SLC35F3: variants seen among roughly 807,000 people sequenced by gnomAD.
SLC35F3 encodes putative thiamine transporter SLC35F3.
SLC35F3 carries 25 observed loss-of-function variants against 49.9 expected under a neutral mutation model. That is an observed-to-expected ratio of 0.50 (90% confidence interval 0.37 to 0.70). The LOEUF (loss-of-function observed/expected upper bound fraction) is 0.70. SLC35F3 is among the 30% of genes least tolerant of loss of function. SLC35F3 has a pLI of 0.00. For missense variants in SLC35F3, 525 were observed against 639.8 expected, an observed-to-expected ratio of 0.82 and a Z score of 1.94; for synonymous variants, 275 against 265.4, an observed-to-expected ratio of 1.04 and a Z score of -0.35.
intron 2 of SLC35F3, among the ~76,000 whole-genome samples, chr1:234,077,021 G>A (rs1290397790): frequency 2.8e-5 from 4 of 144,270 alleles, no homozygotes; most frequent in Non-Finnish European, 6.0e-5. Context: ...TTTTTGAGAC[G>A]GAGTCTCGCT....
intron 2 of SLC35F3, among the ~76,000 whole-genome samples, chr1:234,158,835 T>C (rs973215517): frequency 2.6e-5 from 4 of 152,216 alleles, no homozygotes; most frequent in African/African-American, 9.6e-5. Context: ...CTAAGAAATA[T>C]ATGTAATCAC....
chr1:234,176,343 C>T lies in SLC35F3; in HGVS notation c.284-55074C>T, dbSNP rs77231883. Among the ~76,000 whole-genome samples the T allele has an allele frequency of 8.4e-3, 1,272 of 152,324 alleles. 20 individuals carry two copies. Among genetic ancestry groups the T allele is most frequent in the African/African-American group, 0.029 (1,198 of 41,570 alleles). ...AGAAAGCTGCTCAAAGAGAAAGCTGCTCCATCTGTTCATAGAGTGGAAAAG... is the reference window on the plus strand; with the variant it reads ...AGAAAGCTGCTCAAAGAGAAAGCTGTTCCATCTGTTCATAGAGTGGAAAAG... On this transcript the variant is annotated intron_variant, in intron 2 of 7. Transcript: ENST00000366618.
chr1:234,080,201 A>G (rs1032159808), intron 2 of SLC35F3, among the ~76,000 whole-genome samples: 1 of 152,180 alleles, frequency 6.6e-6, no homozygotes, highest in African/African-American at 2.4e-5. Context: ...TTCAAACCCA[A>G]AAAGTTGGAG....
At chr1:233,930,751 AT>A (rs1214979863) in intron 2 of SLC35F3, among the ~76,000 whole-genome samples, 1 of 152,242 alleles carries the variant, frequency 6.6e-6, no homozygotes, top group African/African-American at 2.4e-5. Flanking sequence ...CTTACAATAA[AT>A]TAAGCTGTAG....
intron 2 of SLC35F3, among the ~76,000 whole-genome samples, chr1:234,122,660 C>T (rs993431305): frequency 1.3e-5 from 2 of 152,160 alleles, no homozygotes; most frequent in African/African-American, 4.8e-5. Context: ...TGTTGTTCCC[C>T]TCTCTGTGTC....
chr1:234,061,367 TTC>T (rs1488462516), intron 2 of SLC35F3, among the ~76,000 whole-genome samples: 4 of 152,184 alleles, frequency 2.6e-5, no homozygotes, highest in Admixed American at 6.5e-5. Context: ...TAAGCCAGTT[TTC>T]TCTTTCTGCT....
Position 234,100,143 on chromosome 1 carries a change from GAAGAGGAAGAAACT to G in SLC35F3, c.284-131271_284-131258del, listed in dbSNP as rs903702104. On this transcript the variant is annotated intron_variant, in intron 2 of 7. Coordinates refer to ENST00000366618, the MANE Select transcript of SLC35F3 (RefSeq NM_173508.4). ...AAACATGACAGCTAAATTAACAAAA[GAAGAGGAAGAAACT>G]AAATGAAAATGAAATTGTGAATACC... 1.2e-4 allele frequency among the ~76,000 whole-genome samples: 18 copies of G among 152,230 alleles called. No homozygotes were observed. The South Asian group carries it at 1.5e-3, about 12-fold the overall frequency.
intron 2 of SLC35F3, among the ~76,000 whole-genome samples, chr1:233,961,786 T>G (rs1039759223): frequency 1.3e-5 from 2 of 152,198 alleles, no homozygotes; most frequent in Admixed American, 1.3e-4. Context: ...AGATCTGCTG[T>G]CTGTCAGGTC....
intron 2 of SLC35F3, among the ~76,000 whole-genome samples, chr1:234,049,922 A>C (rs1664350006): frequency 6.6e-6 from 1 of 152,156 alleles, no homozygotes; most frequent in African/African-American, 2.4e-5. Context: ...GTTGCTGAGA[A>C]TGATGGTTTC....
chr1:234,239,713 C>G (rs959577789), intron 3 of SLC35F3, among the ~76,000 whole-genome samples: 1 of 152,206 alleles, frequency 6.6e-6, no homozygotes, highest in Non-Finnish European at 1.5e-5. Context: ...GTTGGAGCAA[C>G]AGAGGTAGGA....
In SLC35F3 at chr1:234,309,202, A is replaced by T. The variant is rs761716872; in HGVS notation, c.710A>T (p.Tyr237Phe). Residue 237 changes from tyrosine (Y) to phenylalanine (F), a missense_variant, in exon 4 of 8, where the codon TAC (tyrosine) becomes TTC (phenylalanine). Physicochemically the swap from Tyr to Phe is conservative, Grantham distance 22. Coordinates refer to ENST00000366618, the MANE Select transcript of SLC35F3 (RefSeq NM_173508.4). ...CTTTGGACACTCACAAACTACCTGTACTTACATGCAATAAAGAAAATAAAC... is the reference window on the plus strand; with the variant it reads ...CTTTGGACACTCACAAACTACCTGTTCTTACATGCAATAAAGAAAATAAAC... ...GVLWTLTNYL[Y>F]LHAIKKINTT... is the part of the protein sequence containing the mutation. 6.2e-7 allele frequency: 1 copy of T among 1,614,234 alleles called. No individual in the cohort carries two copies. Among genetic ancestry groups the T allele is most frequent in the Non-Finnish European group, 8.5e-7 (1 of 1,180,040 alleles).
rs141965938 is a variant in SLC35F3 at position 234,136,374 on chromosome 1, T to G, written c.284-95043T>G. On this transcript the variant is annotated intron_variant, in intron 2 of 7. Coordinates refer to ENST00000366618, the MANE Select transcript of SLC35F3 (RefSeq NM_173508.4). The stretch of plus-strand genomic sequence containing the variant: ...TCTTTATCCTTCCTTCCTTCTTTCT[T>G]TCTATTTCTTTTTTTTCCTAGAGAC... Among the ~76,000 whole-genome samples, 789 of 152,068 alleles carry G rather than the reference T, an allele frequency of 5.2e-3. 4 individuals carry two copies. The highest frequency in any genetic ancestry group is 0.018 in the African/African-American group (760 of 41,462).
chr1:234,001,363 C>G (rs1663551073), intron 2 of SLC35F3, among the ~76,000 whole-genome samples: 1 of 152,144 alleles, frequency 6.6e-6, no homozygotes, highest in African/African-American at 2.4e-5. Flanking sequence ...TGGAAAATGC[C>G]AGTGAGGCAA....
At chr1:234,263,316 C>CT (rs561752856) in intron 3 of SLC35F3, among the ~76,000 whole-genome samples, 216 of 152,040 alleles carry the variant, frequency 1.4e-3, no homozygotes, top group Non-Finnish European at 2.6e-3. Context: ...TTAAAGAGAG[C>CT]TAAAAGAATG....
At chr1:234,211,801 CTT>C (rs1667049464) in intron 2 of SLC35F3, among the ~76,000 whole-genome samples, 1 of 152,066 alleles carries the variant, frequency 6.6e-6, no homozygotes, top group South Asian at 2.1e-4. Flanking sequence ...TGAATTAAGA[CTT>C]TGGGGGATAG....
Position 234,320,250 on chromosome 1 carries a change from A to G in SLC35F3, c.1237+63A>G, listed in dbSNP as rs1018992014. ...CACACACTCAGTCACCTACTCACACACACATACACACACTCATGCATACAT... is the reference window on the plus strand; with the variant it reads ...CACACACTCAGTCACCTACTCACACGCACATACACACACTCATGCATACAT... On this transcript the variant is annotated intron_variant, in intron 7 of 7. Transcript: ENST00000366618. The surrounding 1 kb of genome is among the most constrained non-coding windows in gnomAD (Gnocchi z 4.8). 9 of 1,112,888 alleles carry G rather than the reference A, an allele frequency of 8.1e-6. No homozygotes were observed. The African/African-American group carries it at 1.4e-4, about 17-fold the overall frequency. 68.9% of individuals were successfully genotyped at this position (1,112,888 alleles called of 1,614,324 possible). A position where few individuals can be genotyped will look rare whatever the true frequency, so the allele number is the denominator to read the frequency against.
intron 2 of SLC35F3, among the ~76,000 whole-genome samples, chr1:234,087,575 G>C (rs914469055): frequency 6.6e-6 from 1 of 152,188 alleles, no homozygotes; most frequent in Non-Finnish European, 1.5e-5. Flanking sequence ...CTTTAGCCTA[G>C]GATCCTCCCA....
At chr1:234,201,251 T>C (rs1666896171) in intron 2 of SLC35F3, among the ~76,000 whole-genome samples, 1 of 152,242 alleles carries the variant, frequency 6.6e-6, no homozygotes, top group African/African-American at 2.4e-5. Flanking sequence ...GAAGACAAAC[T>C]TGGGTTTACC....
At chr1:234,084,596 TTA>T (rs1664933204) in intron 2 of SLC35F3, among the ~76,000 whole-genome samples, 1 of 152,230 alleles carries the variant, frequency 6.6e-6, no homozygotes, top group Non-Finnish European at 1.5e-5. Context: ...TTAAGTTTGT[TTA>T]TGTCAGGAAA....
Sources: allele counts gnomAD v4.1 joint callset (sites outside exome capture counted in the v4.1 genomes callset), GRCh38; gene constraint gnomAD v4.1.1; non-coding constraint Gnocchi (gnomAD v3.1); transcripts MANE v1.5; gene names NCBI Gene and HGNC (gene_info 2026-07-23, HGNC 2026-07-21).